Variants in HTRA1 observed in about 807,000 individuals in gnomAD.
HTRA1 encodes the protein HtrA serine peptidase 1.
HTRA1 carries 26 observed loss-of-function variants against 49.7 expected under a neutral mutation model. The observed-to-expected ratio is 0.52, with a 90% confidence interval of 0.38 to 0.73. The LOEUF is 0.73. HTRA1 is among the 30% of genes least tolerant of loss of function. HTRA1 has a pLI of 0.00. For synonymous variants in HTRA1, 291 were observed against 286.9 expected (o/e 1.01, Z -0.14); for missense variants, 561 against 667.2 (o/e 0.84, Z 1.75).
chr10:122,464,328 C>G lies in HTRA1; in HGVS notation c.472+2204C>G, dbSNP rs1282565440. On this transcript the variant is annotated intron_variant, in intron 1 of 8. Coordinates refer to ENST00000368984, the MANE Select transcript of HTRA1 (RefSeq NM_002775.5). The surrounding 1 kb of genome is among the most constrained non-coding windows in gnomAD (Gnocchi z 4.8). The stretch of plus-strand genomic sequence containing the variant: ...AACAGGTCCCCCATTGGCCATCGGG[C>G]TCACAGCGGGCCCCCGGTGTACCAG... Among the ~76,000 whole-genome samples the G allele has an allele frequency of 6.6e-6, 1 of 152,162 alleles. No individual in the cohort carries two copies. The highest frequency in any genetic ancestry group is 1.9e-4 in the East Asian group (1 of 5,184).
intron 1 of HTRA1, among the ~76,000 whole-genome samples, chr10:122,465,487 G>T (rs1565406832): frequency 6.6e-6 from 1 of 152,166 alleles, no homozygotes. Context: ...CAGGACTGGT[G>T]GTCCCACACA....
chr10:122,488,695 A>G (rs1045878587), intron 1 of HTRA1, among the ~76,000 whole-genome samples: 2 of 152,208 alleles, frequency 1.3e-5, no homozygotes, highest in African/African-American at 4.8e-5. Context: ...GGTTATCATT[A>G]GTGGATTTTA....
intron 1 of HTRA1, among the ~76,000 whole-genome samples, chr10:122,466,167 A>C (rs2097483691): frequency 3.3e-5 from 5 of 151,952 alleles, no homozygotes; most frequent in Admixed American, 2.0e-4. Flanking sequence ...ATGTTTGTAA[A>C]ATTTACTTTT....
chr10:122,508,171 C>G (rs2097504002), intron 5 of HTRA1, among the ~76,000 whole-genome samples: 1 of 152,320 alleles, frequency 6.6e-6, no homozygotes, highest in Admixed American at 6.5e-5. Flanking sequence ...CCAGCTCTGT[C>G]CTCTGCCTCC....
chr10:122,512,118 G>A, intron 8 of HTRA1, 53 bp downstream of exon 8: 1 of 1,273,924 alleles, frequency 7.8e-7, no homozygotes, highest in Non-Finnish European at 1.1e-6. Flanking sequence ...TCCTGTGGGG[G>A]TAGCAGGAAG....
At chr10:122,499,522 T>A (rs1427885373) in intron 3 of HTRA1, among the ~76,000 whole-genome samples, 1 of 152,198 alleles carries the variant, frequency 6.6e-6, no homozygotes, top group South Asian at 2.1e-4. Flanking sequence ...CAGCAAATCT[T>A]TGGTTCATCT....
intron 5 of HTRA1, among the ~76,000 whole-genome samples, chr10:122,507,936 A>G (rs2097503867): frequency 7.4e-6 from 1 of 134,686 alleles, no homozygotes; most frequent in Non-Finnish European, 1.6e-5. Flanking sequence ...CTTAGAACAC[A>G]GACCAGCAGA....
At chr10:122,480,011 C>T (rs1055715027) in intron 1 of HTRA1, among the ~76,000 whole-genome samples, 1 of 152,026 alleles carries the variant, frequency 6.6e-6, no homozygotes, top group African/African-American at 2.4e-5. Flanking sequence ...GAGACGGAAA[C>T]GCAGGTGACC....
intron 7 of HTRA1, among the ~76,000 whole-genome samples, chr10:122,510,578 C>T (rs112759466): frequency 5.7e-4 from 87 of 152,302 alleles, no homozygotes; most frequent in African/African-American, 1.8e-3. Context: ...TCGTGGGCCG[C>T]GGCTCCAGGA....
At chr10:122,483,579 T>A (rs2097491940) in intron 1 of HTRA1, among the ~76,000 whole-genome samples, 1 of 152,242 alleles carries the variant, frequency 6.6e-6, no homozygotes, top group African/African-American at 2.4e-5. Flanking sequence ...GCTCTCCACA[T>A]ATATTTTTGA....
At chr10:122,472,489 AG>A (rs1309378402) in intron 1 of HTRA1, among the ~76,000 whole-genome samples, 1 of 151,748 alleles carries the variant, frequency 6.6e-6, no homozygotes, top group African/African-American at 2.4e-5. Context: ...TCCACCTCCC[AG>A]GTTCAAGCAG....
intron 3 of HTRA1, among the ~76,000 whole-genome samples, chr10:122,498,526 C>T (rs1238478189): frequency 3.9e-5 from 6 of 152,156 alleles, no homozygotes; most frequent in South Asian, 4.2e-4. Flanking sequence ...CAGCCTTGTC[C>T]GTTCTGAACC....
chr10:122,480,453 G>C (rs2097490510), intron 1 of HTRA1, among the ~76,000 whole-genome samples: 1 of 152,190 alleles, frequency 6.6e-6, no homozygotes, highest in African/African-American at 2.4e-5. Context: ...ACCTGGGTTA[G>C]TTGCTGGCCA....
intron 7 of HTRA1, among the ~76,000 whole-genome samples, chr10:122,511,245 C>T (rs1031070946): frequency 6.6e-6 from 1 of 152,162 alleles, no homozygotes; most frequent in Non-Finnish European, 1.5e-5. Flanking sequence ...ATGATCTCAT[C>T]TGATCCTCAC....
intron 3 of HTRA1, among the ~76,000 whole-genome samples, chr10:122,498,135 GCT>G (rs143338562): frequency 0.029 from 4,362 of 152,174 alleles, 115 homozygotes; most frequent in East Asian, 0.14. Context: ...TCATTTGTGT[GCT>G]CTCTCTTTCT....
At chr10:122,492,139 TCCTTGTCATATGAGACTGTGG>T (rs1003171902) in intron 3 of HTRA1, among the ~76,000 whole-genome samples, 3 of 151,866 alleles carry the variant, frequency 2.0e-5, no homozygotes, top group Non-Finnish European at 4.4e-5. Flanking sequence ...CCTACACGGC[TCCTTGTCATATGAGACTGTGG>T]CCCAGCCTCC....
At position 122,494,917 on chromosome 10, in the gene HTRA1, G is replaced by C. The variant is rs1233889385; in HGVS notation, c.777+5291G>C. ...CTCTTCTCCAGGCCACCAGAACTTG[G>C]CCCTGCGCATGGTGAATCTTCCCTG... On this transcript the variant is annotated intron_variant, in intron 3 of 8. Coordinates refer to ENST00000368984, the MANE Select transcript of HTRA1 (RefSeq NM_002775.5). This position sits in a 1 kb window ranked among gnomAD's most constrained non-coding sequence, Gnocchi z 4.0. Among the ~76,000 whole-genome samples, 1 of 152,176 alleles carries C rather than the reference G, an allele frequency of 6.6e-6. No individual in the cohort carries two copies. The highest frequency in any genetic ancestry group is 1.5e-5 in the Non-Finnish European group (1 of 68,034).
At chr10:122,476,705 G>A (rs544004166) in intron 1 of HTRA1, among the ~76,000 whole-genome samples, 146 of 132,318 alleles carry the variant, frequency 1.1e-3, no homozygotes, top group African/African-American at 3.6e-3. Context: ...AATGCAGGTG[G>A]GGGGGCCTTC....
rs1286932907 is a variant in HTRA1 at position 122,494,908 on chromosome 10, C to G, written c.777+5282C>G. On this transcript the variant is annotated intron_variant, in intron 3 of 8. Coordinates refer to ENST00000368984, the MANE Select transcript of HTRA1 (RefSeq NM_002775.5). This position sits in a 1 kb window ranked among gnomAD's most constrained non-coding sequence, Gnocchi z 4.0. ...AGCAGGCCACTCTTCTCCAGGCCAC[C>G]AGAACTTGGCCCTGCGCATGGTGAA... 2.0e-5 allele frequency among the ~76,000 whole-genome samples: 3 copies of G among 152,116 alleles called. No individual in the cohort carries two copies. The highest frequency in any genetic ancestry group is 4.4e-5 in the Non-Finnish European group (3 of 68,016).
Sources: gnomAD v4.1 joint callset for allele counts (sites outside exome capture counted in the v4.1 genomes callset) on GRCh38, gnomAD v4.1.1 for gene constraint, Gnocchi (gnomAD v3.1) non-coding constraint, MANE v1.5 for transcripts, NCBI Gene and HGNC (gene_info 2026-07-23, HGNC 2026-07-21) for gene names.